The following IMPG1 variants were observed in gnomAD, a reference collection of about 807,000 sequenced individuals.
IMPG1 encodes interphotoreceptor matrix proteoglycan of 150 kDa.
IMPG1 carries 85 observed loss-of-function variants against 92.0 expected under a neutral mutation model. That is an observed-to-expected ratio of 0.92 (90% CI 0.78 to 1.11). The LOEUF (loss-of-function observed/expected upper bound fraction) is 1.11. Among genes scored for constraint, IMPG1 ranks in the 50% least tolerant of loss-of-function variants. The pLI, the probability that IMPG1 is intolerant of heterozygous loss-of-function variation, is 0.00. For missense variants in IMPG1, 1,022 were observed against 956.0 expected, an observed-to-expected ratio of 1.07 and a Z score of -0.91; for synonymous variants, 367 against 334.1, an observed-to-expected ratio of 1.10 and a Z score of -1.08.
At chr6:76,058,309 A>T (rs762194377) in intron 1 of IMPG1, among the ~76,000 whole-genome samples, 6 of 152,204 alleles carry the variant, frequency 3.9e-5, no homozygotes, top group Non-Finnish European at 8.8e-5. Context: ...TAGAGAGAAG[A>T]TACTTCAAAT....
At chr6:75,976,012 G>A (rs1287787451) in intron 12 of IMPG1, among the ~76,000 whole-genome samples, 1 of 151,996 alleles carries the variant, frequency 6.6e-6, no homozygotes, top group African/African-American at 2.4e-5. Flanking sequence ...CTGTACAAAC[G>A]GTAGGTTGGA....
chr6:76,057,547 C>T (rs1365628917), intron 1 of IMPG1, among the ~76,000 whole-genome samples: 5 of 152,100 alleles, frequency 3.3e-5, no homozygotes, highest in Non-Finnish European at 5.9e-5. Flanking sequence ...TATGCTATTT[C>T]ATAACAAATT....
At position 76,063,906 on chromosome 6, in the gene IMPG1, T is replaced by C. The variant is rs562483746; in HGVS notation, c.67+8516A>G. Reference sequence around the variant, plus strand: ...TGTGTGCTTTCTGGTGCTCAAGAGCTTCCCGCTTATGGACTGAGAGTAACT... The same window carrying C: ...TGTGTGCTTTCTGGTGCTCAAGAGCCTCCCGCTTATGGACTGAGAGTAACT... On this transcript the variant is annotated intron_variant, in intron 1 of 16. Transcript: ENST00000369950. Among the ~76,000 whole-genome samples, 7 of 152,248 alleles carry C rather than the reference T, an allele frequency of 4.6e-5. No homozygotes were observed. The South Asian group carries it at 1.2e-3, about 27-fold the overall frequency.
At chr6:75,985,583 C>T (rs537460714) in intron 12 of IMPG1, among the ~76,000 whole-genome samples, 1 of 152,306 alleles carries the variant, frequency 6.6e-6, no homozygotes, top group Admixed American at 6.5e-5. Context: ...TAAGAGAATG[C>T]TTTAGTGACT....
At chr6:75,939,376 G>A (rs537138086) in intron 14 of IMPG1, among the ~76,000 whole-genome samples, 1 of 151,942 alleles carries the variant, frequency 6.6e-6, no homozygotes, top group South Asian at 2.1e-4. Context: ...ACAGGCCCCG[G>A]TGTGTGATGT....
intron 6 of IMPG1, among the ~76,000 whole-genome samples, chr6:76,021,716 C>T (rs1783426833): frequency 7.1e-6 from 1 of 141,644 alleles, no homozygotes. Context: ...TGGAATTATA[C>T]TTCAGTGGTG....
At chr6:75,980,918 A>G (rs186698107) in intron 12 of IMPG1, among the ~76,000 whole-genome samples, 9 of 152,310 alleles carry the variant, frequency 5.9e-5, no homozygotes, top group Non-Finnish European at 1.3e-4. Flanking sequence ...CTGACTCCAG[A>G]CCTACTAAGT....
intron 12 of IMPG1, among the ~76,000 whole-genome samples, chr6:75,972,634 A>C (rs1582076514): frequency 1.3e-5 from 2 of 152,216 alleles, no homozygotes; most frequent in Non-Finnish European, 2.9e-5. Context: ...TCCCAATTTT[A>C]ATAGTCTGAA....
intron 12 of IMPG1, among the ~76,000 whole-genome samples, chr6:75,954,963 T>C (rs1782093662): frequency 6.6e-6 from 1 of 152,206 alleles, no homozygotes; most frequent in South Asian, 2.1e-4. Flanking sequence ...TTCTGTTCCA[T>C]TGGTCTATGT....
At chr6:75,951,405 G>T (rs76106883) in intron 12 of IMPG1, among the ~76,000 whole-genome samples, 2 of 152,052 alleles carry the variant, frequency 1.3e-5, no homozygotes, top group African/African-American at 4.8e-5. Flanking sequence ...AGTCAGACAC[G>T]ATACACTTGG....
At chr6:75,979,275 G>A (rs1437965835) in intron 12 of IMPG1, among the ~76,000 whole-genome samples, 2 of 152,106 alleles carry the variant, frequency 1.3e-5, no homozygotes, top group Admixed American at 1.3e-4. Flanking sequence ...GGCTGACATT[G>A]GAGCAATATA....
intron 4 of IMPG1, among the ~76,000 whole-genome samples, chr6:76,026,593 C>A (rs1783540878): frequency 1.3e-5 from 2 of 152,248 alleles, no homozygotes; most frequent in Non-Finnish European, 2.9e-5. Context: ...ATCACCACAG[C>A]AGCCTTCTGC....
intron 13 of IMPG1, among the ~76,000 whole-genome samples, chr6:75,948,733 C>T (rs1425527224): frequency 6.6e-6 from 1 of 152,138 alleles, no homozygotes; most frequent in East Asian, 1.9e-4. Context: ...TTTCCTATTT[C>T]TCATAGAAAG....
chr6:75,946,262 G>C (rs1185693808), intron 14 of IMPG1, among the ~76,000 whole-genome samples: 4 of 152,156 alleles, frequency 2.6e-5, no homozygotes, highest in African/African-American at 9.7e-5. Flanking sequence ...TGTTTACTAA[G>C]GTACGGAGGC....
intron 14 of IMPG1, among the ~76,000 whole-genome samples, chr6:75,935,981 G>GACACACAGGGACCTCACAGC (rs1781737827): frequency 6.6e-6 from 1 of 152,132 alleles, no homozygotes; most frequent in African/African-American, 2.4e-5. Flanking sequence ...TGTACTGAGG[G>GACACACAGGGACCTCACAGC]TTCATCTGAG....
chr6:75,948,308 T>A (rs1206855283), intron 13 of IMPG1, among the ~76,000 whole-genome samples: 1 of 152,204 alleles, frequency 6.6e-6, no homozygotes, highest in Non-Finnish European at 1.5e-5. Context: ...ATCCTAGAGA[T>A]CATTTTTCAG....
chr6:76,071,466 T>G (rs1014515036), intron 1 of IMPG1, among the ~76,000 whole-genome samples: 1 of 151,738 alleles, frequency 6.6e-6, no homozygotes, highest in African/African-American at 2.4e-5. Flanking sequence ...TCTTTCACTA[T>G]TGTGAAAACA....
chr6:75,930,334 A>G (rs2149449974), intron 15 of IMPG1, among the ~76,000 whole-genome samples: 1 of 152,326 alleles, frequency 6.6e-6, no homozygotes, highest in South Asian at 2.1e-4. Flanking sequence ...ATAAAACGAG[A>G]AAGTCTGTTT....
At chr6:75,972,426 G>A (rs1782439171) in intron 12 of IMPG1, among the ~76,000 whole-genome samples, 1 of 125,976 alleles carries the variant, frequency 7.9e-6, no homozygotes, top group South Asian at 2.6e-4. Flanking sequence ...TTTGTTTTCT[G>A]AAATCCTCTC....
Sources: allele counts gnomAD v4.1 joint callset (sites outside exome capture counted in the v4.1 genomes callset), GRCh38; gene constraint gnomAD v4.1.1; transcripts MANE v1.5; gene names NCBI Gene and HGNC (gene_info 2026-07-23, HGNC 2026-07-21).